The following MED16 variants were observed in gnomAD, a reference collection of about 807,000 sequenced individuals.
MED16 encodes mediator complex subunit 16.
MED16 carries 81 observed loss-of-function variants against 84.4 expected under a neutral mutation model. The ratio of observed to expected loss-of-function variants is 0.96; its 90% confidence interval spans 0.80 to 1.15. The LOEUF (loss-of-function observed/expected upper bound fraction) is 1.15. Among genes scored for constraint, MED16 ranks in the 50% most tolerant of loss-of-function variants. The pLI, the probability that MED16 is intolerant of heterozygous loss-of-function variation, is 0.00. For missense variants in MED16, 1,585 were observed against 1,245.9 expected (o/e 1.27, Z -4.10); for synonymous variants, 897 against 552.2 (o/e 1.62, Z -8.76).
chr19:882,499 G>A lies in MED16; in HGVS notation c.986-785C>T, dbSNP rs987302011. 2.2e-4 allele frequency among the ~76,000 whole-genome samples: 34 copies of A among 152,326 alleles called. 2 individuals are homozygous for A. The highest frequency in any genetic ancestry group is 2.1e-4 in the South Asian group (1 of 4,824). On this transcript the variant is annotated intron_variant, in intron 6 of 15. Transcript: ENST00000325464. ...AGATCACGCCACTGCACTCCAGCCT[G>A]GGCAACACAGCAAGAGCCTAGCTCA...
At chr19:868,330 G>T in intron 15 of MED16, 79 bp from the exon 16 acceptor site, 1 of 1,587,904 alleles carries the variant, frequency 6.3e-7, no homozygotes, top group Non-Finnish European at 8.5e-7. Context: ...GGGCTCAGGG[G>T]CAGCTGAGGG....
chr19:871,143 C>G lies in MED16; in HGVS notation c.2209G>C (p.Gly737Arg). 6.5e-7 allele frequency: 1 copy of G among 1,548,274 alleles called. No homozygotes were observed. The highest frequency in any genetic ancestry group is 1.4e-5 in the African/African-American group (1 of 73,124). The change falls in exon 13 of 16, where the codon GGC becomes CGC. Residue 737 changes from glycine to arginine, a missense_variant. Gly to Arg is a moderately radical substitution (Grantham distance 125). Coordinates refer to ENST00000325464, the MANE Select transcript of MED16 (RefSeq NM_005481.3). Reference protein sequence around the residue: ...PSLDWLPASDGLVSRLQPKQP... With the variant: ...PSLDWLPASDRLVSRLQPKQP... The stretch of plus-strand genomic sequence containing the variant: ...TTGGGCTGCAGGCGGCTAACCAGGC[C>G]GTCGCTGGCTGGCAGCCAGTCCAGG...
rs746905920 is a variant in MED16 at position 873,414 on chromosome 19, TG to T, written c.1905+34del. 2.3e-5 allele frequency: 29 copies of T among 1,243,878 alleles called. 1 individual carries two copies. The South Asian group carries it at 3.1e-4, about 13-fold the overall frequency. 77.1% of individuals were successfully genotyped at this position (1,243,878 alleles called of 1,614,324 possible). A position where few individuals can be genotyped will look rare whatever the true frequency, so the allele number is the denominator to read the frequency against. On this transcript the variant is annotated intron_variant, in intron 11 of 15. Transcript: ENST00000325464. ...GGTCCTGATGAGATGGGGGCCCAGG[TG>T]GGGGGCGGGGCCTTAGGGGAGAGCA...
At position 890,982 on chromosome 19, in the gene MED16, G is replaced by A. The variant is rs766195021; in HGVS notation, c.150C>T (p.Asp50=). ...SCRNLIAFTM[D]LRSDDQDLTR... The stretch of plus-strand genomic sequence containing the variant: ...ACGCACCCTGGTCATCGCTGCGCAG[G>A]TCCATGGTGAAGGCGATGAGATTTC... The change falls in exon 2 of 16, where the codon GAC becomes GAT. Residue 50 remains aspartate (D), a synonymous_variant. Transcript: ENST00000325464. 315 of 1,613,774 alleles carry A rather than the reference G, an allele frequency of 2.0e-4. No individual in the cohort carries two copies. Among genetic ancestry groups the A allele is most frequent in the Admixed American group, 2.3e-4 (14 of 59,992 alleles).
intron 8 of MED16, 84 bp downstream of exon 8, chr19:879,853 C>CCGTGGTTGTCAATGT (rs1306930764): frequency 8.6e-7 from 1 of 1,159,392 alleles, no homozygotes. Context: ...GCTCACCTTC[C>CCGTGGTTGTCAATGT]CCTGGTTGTC....
rs376802874 is a variant in MED16, at chr19:871,087, C to G, written c.2265G>C (p.Ala755=). The G allele has an allele frequency of 3.2e-6, 5 of 1,547,928 alleles. No homozygotes were observed. The South Asian group carries it at 6.0e-5, about 18-fold the overall frequency. The part of the protein sequence containing the change: ...KQPLRLQFGR[A]PTLPGSAATL... ...TGGCAGCACTGCCAGGCAGCGTGGG[C>G]GCCCGGCCAAACTGCAGACGAAGGG... Residue 755 remains alanine (A), a synonymous_variant, in exon 13 of 16, where the codon GCG becomes GCC. Transcript: ENST00000325464.
chr19:872,538 G>A lies in MED16; in HGVS notation c.1906-420C>T, dbSNP rs567856428. 1.4e-4 allele frequency among the ~76,000 whole-genome samples: 22 copies of A among 152,048 alleles called. No homozygotes were observed. The South Asian group carries it at 3.7e-3, about 26-fold the overall frequency. ...CTAAAGCCCCACAAAAAGAAGAGAG[G>A]GACTTCAAACCGTCCGTGATGGGCG... On this transcript the variant is annotated intron_variant, in intron 11 of 15. Coordinates refer to ENST00000325464, the MANE Select transcript of MED16 (RefSeq NM_005481.3).
At chr19:881,801 C>T in intron 6 of MED16, 87 bp from the exon 7 acceptor site, 3 of 1,487,050 alleles carry the variant, frequency 2.0e-6, no homozygotes, top group Admixed American at 1.8e-5. Flanking sequence ...GCCTGGTGTG[C>T]AACCTGCCCA....
Position 889,732 on chromosome 19 carries a change from CA to C in MED16, c.352del (p.Trp118GlyfsTer8). On this transcript the variant is annotated frameshift_variant, in exon 4 of 16. Transcript: ENST00000325464. LOFTEE classifies it high-confidence loss of function. ...WSMADHLANSWESSVGSLVEG... is the reference protein window; with the variant it reads ...WSMADHLANSXESSVGSLVEG... ...CACTAGGCTGCCCACTGAGCTCTCC[CA>C]GCTATTAGCCAGGTGGTCCGCCATG... 6.2e-7 allele frequency: 1 copy of C among 1,613,720 alleles called. No homozygotes were observed. Among genetic ancestry groups the C allele is most frequent in the Non-Finnish European group, 8.5e-7 (1 of 1,179,950 alleles).
rs1357327795 is a variant in MED16 at position 885,909 on chromosome 19, C to T, written c.740G>A (p.Ser247Asn). The change falls in exon 5 of 16, where the codon AGC (serine) becomes AAC (asparagine). Residue 247 changes from serine to asparagine, a missense_variant. Transcript: ENST00000325464. ...GATACGGCACTTCTCGCTCACCACGCTCACGCACACCTTGTAGAACTGCAC... is the reference window on the plus strand; with the variant it reads ...GATACGGCACTTCTCGCTCACCACGTTCACGCACACCTTGTAGAACTGCAC... ...SPVQFYKVCV[S>N]VVSEKCRIDT... The T allele has an allele frequency of 1.9e-6, 3 of 1,613,480 alleles. No homozygotes were observed. The highest frequency in any genetic ancestry group is 2.2e-5 in the East Asian group (1 of 44,882).
chr19:875,644 T>C (rs970418535), intron 9 of MED16, among the ~76,000 whole-genome samples, 190 bp from the exon 10 acceptor site: 1 of 152,214 alleles, frequency 6.6e-6, no homozygotes, highest in Admixed American at 6.5e-5. Flanking sequence ...GACCAGGTGC[T>C]GGGTTCTCAG....
intron 15 of MED16, 32 bp from the exon 16 acceptor site, chr19:868,283 GGA>G: frequency 1.3e-6 from 2 of 1,588,972 alleles, no homozygotes; most frequent in African/African-American, 1.3e-5. Flanking sequence ...ACCGCGCCGA[GGA>G]GAGTCCAGGG....
chr19:888,296 C>T lies in MED16; in HGVS notation c.447+1342G>A, dbSNP rs189553589. On this transcript the variant is annotated intron_variant, in intron 4 of 15. Coordinates refer to ENST00000325464, the MANE Select transcript of MED16 (RefSeq NM_005481.3). ...CAGCACTTTGGGAGGCTGAGGCAGA[C>T]GGATCACCTGAGGTGAGAAGTTCGA... 1.4e-3 allele frequency among the ~76,000 whole-genome samples: 206 copies of T among 152,050 alleles called. 2 individuals carry two copies. Among genetic ancestry groups the T allele is most frequent in the Non-Finnish European group, 3.2e-4 (22 of 67,996 alleles).
At chr19:889,865 C>A in intron 3 of MED16, 58 bp from the exon 4 acceptor site, 1 of 1,527,550 alleles carries the variant, frequency 6.5e-7, no homozygotes. Flanking sequence ...CACTGCGTTG[C>A]AGGACGGCAC....
At chr19:885,538 G>A (rs2036507992) in intron 5 of MED16, among the ~76,000 whole-genome samples, 1 of 152,184 alleles carries the variant, frequency 6.6e-6, no homozygotes, top group South Asian at 2.1e-4. Context: ...GGAAGAGGCT[G>A]CGCTGTGGCC....
intron 10 of MED16, among the ~76,000 whole-genome samples, chr19:874,116 C>A (rs1386772150): frequency 6.6e-6 from 1 of 151,778 alleles, no homozygotes; most frequent in Non-Finnish European, 1.5e-5. Context: ...AAACGATAAC[C>A]CTAAATTTTT....
chr19:868,567 T>G (rs1390283588), intron 14 of MED16, 68 bp from the exon 15 acceptor site: 1 of 1,578,604 alleles, frequency 6.3e-7, no homozygotes, highest in Non-Finnish European at 8.5e-7. Context: ...TGCCCCACTT[T>G]TGCTTCCAGG....
At chr19:870,425 G>C (rs57536605) in intron 13 of MED16, among the ~76,000 whole-genome samples, 2 of 152,142 alleles carry the variant, frequency 1.3e-5, no homozygotes, top group African/African-American at 2.4e-5. Flanking sequence ...CCTAGGTGTG[G>C]TGGCTCATGC....
At chr19:872,653 G>A (rs376336371) in intron 11 of MED16, among the ~76,000 whole-genome samples, 4 of 151,568 alleles carry the variant, frequency 2.6e-5, no homozygotes, top group African/African-American at 7.3e-5. Context: ...GTGTACCGGC[G>A]GGGGGGTGGG....
Sources: gnomAD v4.1 joint callset for allele counts (sites outside exome capture counted in the v4.1 genomes callset) on GRCh38, gnomAD v4.1.1 for gene constraint, MANE v1.5 for transcripts, NCBI Gene and HGNC (gene_info 2026-07-23, HGNC 2026-07-21) for gene names.